Variants in FGF12 observed in about 807,000 individuals in gnomAD.
FGF12 encodes the protein fibroblast growth factor 12, also known as fibroblast growth factor 12B.
FGF12 carries 14 observed loss-of-function variants against 23.6 expected under a neutral mutation model. The ratio of observed to expected loss-of-function variants is 0.59; its 90% CI spans 0.39 to 0.93. The LOEUF is 0.93. FGF12 is among the 40% of genes least tolerant of loss of function. The pLI, the probability that FGF12 is intolerant of heterozygous loss-of-function variation, is 0.00. For synonymous variants in FGF12, 62 were observed against 77.3 expected, an observed-to-expected ratio of 0.80 and a Z score of 1.04; for missense variants, 175 against 217.8, an observed-to-expected ratio of 0.80 and a Z score of 1.24.
At chr3:192,444,759 C>T (rs184769995) in intron 2 of FGF12, among the ~76,000 whole-genome samples, 10 of 152,298 alleles carry the variant, frequency 6.6e-5, no homozygotes, top group African/African-American at 1.9e-4. Flanking sequence ...CGGCTTAGCT[C>T]TCAAAACACG....
chr3:192,723,860 T>TGACA (rs201705134), intron 2 of FGF12, among the ~76,000 whole-genome samples: 1 of 119,054 alleles, frequency 8.4e-6, no homozygotes, highest in African/African-American at 3.4e-5. Context: ...TGTGTGTGTG[T>TGACA]GTGAGAGAGA....
chr3:192,542,165 G>A (rs1045162780), intron 2 of FGF12, among the ~76,000 whole-genome samples: 2 of 138,998 alleles, frequency 1.4e-5, no homozygotes, highest in Non-Finnish European at 3.2e-5. Context: ...GAGCCACCAT[G>A]CCTGGCCCAT....
chr3:192,490,483 A>G (rs1007044582), intron 2 of FGF12, among the ~76,000 whole-genome samples: 2 of 152,090 alleles, frequency 1.3e-5, no homozygotes, highest in African/African-American at 2.4e-5. Flanking sequence ...GTGTATGTAT[A>G]CATGTGTATG....
rs775684859 is a variant in FGF12 at position 192,335,408 on chromosome 3, C to T, written c.181G>A (p.Ala61Thr). 6.2e-7 allele frequency: 1 copy of T among 1,613,238 alleles called. No homozygotes were observed. Among genetic ancestry groups the T allele is most frequent in the South Asian group, 1.1e-5 (1 of 91,058 alleles). The change falls in exon 4 of 6, where the codon GCT becomes ACT. Residue 61 changes from alanine (A) to threonine (T), a missense_variant. Ala to Thr is a moderately conservative substitution (Grantham distance 58). Transcript: ENST00000445105. ...CCATTCATGGCCACATAGAGGCTAG[C>T]CTTCACTCCTTGGATGGCCACTACA... ...LRVVAIQGVK[A>T]SLYVAMNGEG...
At chr3:192,567,741 C>CTTTCTTTCTTTCTTTCTT (rs1712373580) in intron 2 of FGF12, among the ~76,000 whole-genome samples, 1 of 81,154 alleles carries the variant, frequency 1.2e-5, no homozygotes, top group African/African-American at 4.9e-5. Context: ...GTGTCTCTTT[C>CTTTCTTTCTTTCTTTCTT]TTTCTTTCTT....
At chr3:192,443,365 C>G (rs913085925) in intron 2 of FGF12, among the ~76,000 whole-genome samples, 1 of 152,118 alleles carries the variant, frequency 6.6e-6, no homozygotes, top group Non-Finnish European at 1.5e-5. Context: ...CTTTTCTGCT[C>G]TTACATACAG....
Position 192,703,889 on chromosome 3 carries a change from G to A in FGF12, c.13+23292C>T, listed in dbSNP as rs549807808. Among the ~76,000 whole-genome samples the A allele has an allele frequency of 8.6e-4, 131 of 152,224 alleles. 1 individual carries two copies. The highest frequency in any genetic ancestry group is 3.0e-3 in the African/African-American group (125 of 41,542). On this transcript the variant is annotated intron_variant, in intron 2 of 5. Coordinates refer to ENST00000445105, the MANE Select transcript of FGF12 (RefSeq NM_004113.6). ...GCTAATTTTTAAAAATTTTTTTGTA[G>A]AGACAAGGTCTCACTGTGTTGCCCA...
chr3:192,435,272 A>T (rs73889328), intron 2 of FGF12, among the ~76,000 whole-genome samples: 4,930 of 152,102 alleles, frequency 0.032, 265 homozygotes, highest in African/African-American at 0.11. Context: ...AGTTTTTTTT[A>T]AAAAAACTTC....
At chr3:192,198,184 G>A (rs66720762) in intron 4 of FGF12, among the ~76,000 whole-genome samples, 30,643 of 151,966 alleles carry the variant, frequency 0.2, 3,037 homozygotes, top group Middle Eastern at 0.24. Flanking sequence ...AAAAAGATAT[G>A]AAAAGCAAAT....
intron 2 of FGF12, among the ~76,000 whole-genome samples, chr3:192,485,151 A>C (rs1378313404): frequency 6.6e-6 from 1 of 152,160 alleles, no homozygotes; most frequent in Admixed American, 6.5e-5. Flanking sequence ...ACAGGTGTGC[A>C]TGTGTGCATA....
At chr3:192,653,580 A>C (rs1418137130) in intron 2 of FGF12, among the ~76,000 whole-genome samples, 2 of 152,218 alleles carry the variant, frequency 1.3e-5, no homozygotes, top group African/African-American at 4.8e-5. Flanking sequence ...ATAATATTAA[A>C]AATATCCAAA....
intron 4 of FGF12, among the ~76,000 whole-genome samples, chr3:192,297,852 AGGT>A (rs1330016432): frequency 6.6e-6 from 1 of 152,216 alleles, no homozygotes; most frequent in Non-Finnish European, 1.5e-5. Context: ...TTGAACCCAT[AGGT>A]TTCTTTATGC....
chr3:192,358,491 T>G (rs1718576657), intron 3 of FGF12, among the ~76,000 whole-genome samples: 1 of 151,886 alleles, frequency 6.6e-6, no homozygotes, highest in African/African-American at 2.4e-5. Flanking sequence ...TGTGTGTGTA[T>G]GTGGGTTTGT....
rs1721070417 is a variant in FGF12 at position 192,408,686 on chromosome 3, A to G, written c.14-48148T>C. 2.0e-6 allele frequency: 2 copies of G among 992,100 alleles called. No homozygotes were observed. Among genetic ancestry groups the G allele is most frequent in the Non-Finnish European group, 1.2e-6 (1 of 834,668 alleles). The allele number at this position is 992,100 out of a possible 1,614,324, so 61.5% of individuals were successfully genotyped here. On this transcript the variant is annotated intron_variant, in intron 2 of 5. Coordinates refer to ENST00000445105, the MANE Select transcript of FGF12 (RefSeq NM_004113.6). This position sits in a 1 kb window ranked among gnomAD's most constrained non-coding sequence, Gnocchi z 7.3. The stretch of plus-strand genomic sequence containing the variant: ...CCAAAGTATACCTACACATACATAC[A>G]TAGAAAACCCGTTTACAAAGCAGAG...
intron 3 of FGF12, among the ~76,000 whole-genome samples, chr3:192,357,681 A>G (rs1187366566): frequency 6.6e-6 from 1 of 152,160 alleles, no homozygotes; most frequent in African/African-American, 2.4e-5. Flanking sequence ...CAGACCATTC[A>G]TTCTAGGTTC....
chr3:192,659,246 T>C (rs1716562345), intron 2 of FGF12, among the ~76,000 whole-genome samples: 1 of 152,156 alleles, frequency 6.6e-6, no homozygotes, highest in Non-Finnish European at 1.5e-5. Flanking sequence ...GCATTTCTTC[T>C]CCCTACATCC....
At chr3:192,536,516 A>G in intron 2 of FGF12, among the ~76,000 whole-genome samples, 1 of 152,190 alleles carries the variant, frequency 6.6e-6, no homozygotes, top group East Asian at 1.9e-4. Context: ...CCGAAAGTGT[A>G]TTTTACAGGG....
At chr3:192,619,881 G>A (rs2701588) in intron 2 of FGF12, among the ~76,000 whole-genome samples, 18,137 of 152,176 alleles carry the variant, frequency 0.12, 1,164 homozygotes, top group Middle Eastern at 0.19. Context: ...ATGGATTTTA[G>A]CAATGGAGTT....
chr3:192,446,186 A>T (rs1722349082), intron 2 of FGF12, among the ~76,000 whole-genome samples: 1 of 152,230 alleles, frequency 6.6e-6, no homozygotes, highest in Non-Finnish European at 1.5e-5. Context: ...ACAGAAATAT[A>T]AACATTAAGT....
Sources: gnomAD v4.1 joint callset for allele counts (sites outside exome capture counted in the v4.1 genomes callset) on GRCh38, gnomAD v4.1.1 for gene constraint, Gnocchi (gnomAD v3.1) non-coding constraint, MANE v1.5 for transcripts, NCBI Gene and HGNC (gene_info 2026-07-23, HGNC 2026-07-21) for gene names.